Variants in GABRG3 observed in about 807,000 individuals in gnomAD.
GABRG3 encodes the protein gamma-aminobutyric acid type A receptor subunit gamma3.
GABRG3 carries 25 observed loss-of-function variants against 48.8 expected under a neutral mutation model. The observed-to-expected ratio is 0.51, with a 90% CI of 0.37 to 0.72. The LOEUF is 0.72. Ranked by LOEUF, GABRG3 falls within the 30% of genes least tolerant of loss-of-function variation. GABRG3 has a pLI of 0.00. For synonymous variants in GABRG3, 227 were observed against 217.6 expected (o/e 1.04, Z -0.38); for missense variants, 394 against 577.9 (o/e 0.68, Z 3.26).
rs1595819981 is a variant in GABRG3 at position 27,539,726 on chromosome 15, A to C, written c.*6845A>C. The C allele has an allele frequency of 1.3e-5, 2 of 152,082 alleles. No homozygotes were observed. The highest frequency in any genetic ancestry group is 4.8e-5 in the African/African-American group (2 of 41,390). The allele number at this position is 152,082 out of a possible 1,614,324, so 9.4% of individuals were successfully genotyped here. On this transcript the variant is annotated 3_prime_UTR_variant, in exon 10 of 10. Transcript: ENST00000615808. ...CCCACTCCTCTACGTAGCTTGGCAG[A>C]CCCAGACCACCCTGAGCCAGCCTGC...
intron 5 of GABRG3, among the ~76,000 whole-genome samples, chr15:27,411,624 T>TG (rs1025710217): frequency 7.2e-5 from 11 of 152,172 alleles, no homozygotes; most frequent in East Asian, 5.8e-4. Context: ...ACTGCTTTTA[T>TG]GGGGGGGATT....
chr15:27,036,595 C>G (rs34332351), intron 3 of GABRG3, among the ~76,000 whole-genome samples: 30,002 of 152,040 alleles, frequency 0.2, 3,666 homozygotes, highest in South Asian at 0.33. Context: ...GAGGCTGAGG[C>G]AGGAGAATCG....
chr15:27,457,722 T>C lies in GABRG3; in HGVS notation c.575-22928T>C, dbSNP rs1196597404. 6.6e-6 allele frequency among the ~76,000 whole-genome samples: 1 copy of C among 152,144 alleles called. No individual in the cohort carries two copies. Among genetic ancestry groups the C allele is most frequent in the African/African-American group, 2.4e-5 (1 of 41,446 alleles). Reference sequence around the variant, plus strand: ...CCTTACTCTGACCTGATGGTTGCAGTCGCCGTGTTTTCTGGCCAGTGGTAT... The same window carrying C: ...CCTTACTCTGACCTGATGGTTGCAGCCGCCGTGTTTTCTGGCCAGTGGTAT... On this transcript the variant is annotated intron_variant, in intron 5 of 9. Coordinates refer to ENST00000615808, the MANE Select transcript of GABRG3 (RefSeq NM_033223.5). This position sits in a 1 kb window ranked among gnomAD's most constrained non-coding sequence, Gnocchi z 4.4.
intron 3 of GABRG3, among the ~76,000 whole-genome samples, chr15:27,042,651 C>G (rs1346866713): frequency 6.6e-6 from 1 of 152,250 alleles, no homozygotes; most frequent in Admixed American, 6.5e-5. Context: ...TTCATGCTCC[C>G]TTGGCTTCCA....
chr15:27,441,292 G>A (rs988131448), intron 5 of GABRG3, among the ~76,000 whole-genome samples: 1 of 152,144 alleles, frequency 6.6e-6, no homozygotes, highest in African/African-American at 2.4e-5. Flanking sequence ...CTCTAGCAGG[G>A]AATATATTGT....
intron 3 of GABRG3, among the ~76,000 whole-genome samples, chr15:27,320,985 A>G (rs947479624): frequency 4.6e-5 from 7 of 152,040 alleles, no homozygotes; most frequent in Non-Finnish European, 1.0e-4. Flanking sequence ...ACCCCCTGCT[A>G]TGCTTCCCCG....
At chr15:27,053,938 TAA>T in intron 3 of GABRG3, among the ~76,000 whole-genome samples, 1 of 152,214 alleles carries the variant, frequency 6.6e-6, no homozygotes, top group South Asian at 2.1e-4. Flanking sequence ...CACATGGACA[TAA>T]AGATGGGAAT....
chr15:27,306,686 G>GAACATGTTTATATATAAACATATACATA (rs1892502968), intron 3 of GABRG3, among the ~76,000 whole-genome samples: 27 of 31,464 alleles, frequency 8.6e-4, no homozygotes, highest in Admixed American at 7.9e-3. Context: ...ACATATATAT[G>GAACATGTTTATATATAAACATATACATA]AACATGTTTA....
chr15:27,475,263 T>C (rs1052706044), intron 5 of GABRG3, among the ~76,000 whole-genome samples: 14 of 152,334 alleles, frequency 9.2e-5, no homozygotes, highest in African/African-American at 3.4e-4. Flanking sequence ...ATACTCTGTC[T>C]CTTCCTTATG....
chr15:27,501,173 G>T lies in GABRG3; in HGVS notation c.713-18799G>T, dbSNP rs8034554. On this transcript the variant is annotated intron_variant, in intron 6 of 9. Coordinates refer to ENST00000615808, the MANE Select transcript of GABRG3 (RefSeq NM_033223.5). ...TCACCGTGTTAACCAGGATGGTCTC[G>T]ATCTCCTGACCTCGTGATCTGCCCA... Among the ~76,000 whole-genome samples the T allele has an allele frequency of 2.7e-3, 415 of 152,144 alleles. 3 individuals are homozygous for T. Among genetic ancestry groups the T allele is most frequent in the African/African-American group, 9.4e-3 (392 of 41,510 alleles).
chr15:27,346,128 GAAAGAAAGA>G (rs1480671855), intron 5 of GABRG3, among the ~76,000 whole-genome samples: 4 of 148,614 alleles, frequency 2.7e-5, no homozygotes, highest in Non-Finnish European at 6.0e-5. Flanking sequence ...GAAAGAGAAA[GAAAGAAAGA>G]AAAGAAAGAA....
At chr15:27,235,339 G>A (rs1425669422) in intron 3 of GABRG3, among the ~76,000 whole-genome samples, 1 of 152,162 alleles carries the variant, frequency 6.6e-6, no homozygotes, top group Non-Finnish European at 1.5e-5. Flanking sequence ...CAGGTGAACC[G>A]CCACAGCCCA....
intron 3 of GABRG3, among the ~76,000 whole-genome samples, chr15:27,059,768 T>C (rs544730180): frequency 1.3e-5 from 2 of 152,230 alleles, no homozygotes; most frequent in South Asian, 4.1e-4. Flanking sequence ...TGCTTCACTG[T>C]GAACAAAGAC....
At chr15:27,113,493 A>C (rs574757376) in intron 3 of GABRG3, among the ~76,000 whole-genome samples, 1 of 152,210 alleles carries the variant, frequency 6.6e-6, no homozygotes, top group African/African-American at 2.4e-5. Flanking sequence ...ACCCAGGTGG[A>C]GGGCTGGGGG....
chr15:27,389,684 C>T (rs1896162761), intron 5 of GABRG3, among the ~76,000 whole-genome samples: 1 of 152,312 alleles, frequency 6.6e-6, no homozygotes, highest in Admixed American at 6.5e-5. Context: ...AACAATCCGT[C>T]ACAGCTACTC....
intron 5 of GABRG3, among the ~76,000 whole-genome samples, chr15:27,370,151 G>A (rs950634004): frequency 1.6e-4 from 24 of 152,202 alleles, no homozygotes; most frequent in Admixed American, 9.8e-4. Context: ...AAATATTGGG[G>A]TTACTCACTT....
chr15:27,280,807 A>C (rs1275385655), intron 3 of GABRG3, among the ~76,000 whole-genome samples: 1 of 152,178 alleles, frequency 6.6e-6, no homozygotes. Flanking sequence ...TTTGTTGGTG[A>C]TGGTAAATTC....
chr15:26,971,606 C>T lies in GABRG3; in HGVS notation c.53+18C>T. The T allele has an allele frequency of 6.6e-7, 1 of 1,522,916 alleles. No homozygotes were observed. Among genetic ancestry groups the T allele is most frequent in the Non-Finnish European group, 8.8e-7 (1 of 1,136,622 alleles). The allele number at this position is 1,522,916 out of a possible 1,614,324, so 94.3% of individuals were successfully genotyped here. On this transcript the variant is annotated intron_variant, in intron 1 of 9. Coordinates refer to ENST00000615808, the MANE Select transcript of GABRG3 (RefSeq NM_033223.5). ...CACGCGCGGTAAGTGGCGCGGGGGC[C>T]GCATCCCCGGAGGCCCCGAGCTGGG... is the stretch of plus-strand genomic sequence containing the variant.
chr15:27,155,051 C>G (rs1898393739), intron 3 of GABRG3, among the ~76,000 whole-genome samples: 1 of 151,946 alleles, frequency 6.6e-6, no homozygotes, highest in Non-Finnish European at 1.5e-5. Context: ...TGACTGGTCT[C>G]TGAGGCTCTG....
Sources: allele counts gnomAD v4.1 joint callset (sites outside exome capture counted in the v4.1 genomes callset), GRCh38; gene constraint gnomAD v4.1.1; non-coding constraint Gnocchi (gnomAD v3.1); transcripts MANE v1.5; gene names NCBI Gene and HGNC (gene_info 2026-07-23, HGNC 2026-07-21).